HSD17B6: variants seen among roughly 807,000 people sequenced by gnomAD.
HSD17B6 encodes the protein 17-beta-hydroxysteroid dehydrogenase type 6.
Under a neutral mutation model 26.4 loss-of-function variants are expected in HSD17B6, and 16 were observed. The ratio of observed to expected loss-of-function variants is 0.61; its 90% confidence interval spans 0.41 to 0.92. The LOEUF (loss-of-function observed/expected upper bound fraction) is 0.92, where lower values mean the gene tolerates loss of function less well. HSD17B6 is among the 40% of genes least tolerant of loss of function. HSD17B6 has a pLI of 0.00. For synonymous variants in HSD17B6, 139 were observed against 153.0 expected (o/e 0.91, Z 0.68); for missense variants, 357 against 386.1 (o/e 0.92, Z 0.63).
At chr12:56,777,283 A>C (rs1446262335) in intron 2 of HSD17B6, among the ~76,000 whole-genome samples, 1 of 152,068 alleles carries the variant, frequency 6.6e-6, no homozygotes, top group Non-Finnish European at 1.5e-5. Context: ...TTTTGTAGAC[A>C]TGAGGTTTCT....
chr12:56,777,380 T>TTTTTTTTG (rs1954615455), intron 2 of HSD17B6, among the ~76,000 whole-genome samples: 1 of 151,292 alleles, frequency 6.6e-6, no homozygotes. Flanking sequence ...TTTTTTTTTT[T>TTTTTTTTG]GGAAATGGAG....
At chr12:56,785,345 G>A (rs1954853468) in intron 4 of HSD17B6, among the ~76,000 whole-genome samples, 1 of 152,212 alleles carries the variant, frequency 6.6e-6, no homozygotes, top group Non-Finnish European at 1.5e-5. Context: ...CACGACATGT[G>A]GAGATTATGG....
chr12:56,782,642 C>T (rs891043386), intron 3 of HSD17B6, among the ~76,000 whole-genome samples: 5 of 151,292 alleles, frequency 3.3e-5, no homozygotes, highest in Non-Finnish European at 7.4e-5. Context: ...TATGGGTGCA[C>T]GCTGCCATGC....
intron 2 of HSD17B6, among the ~76,000 whole-genome samples, chr12:56,775,145 C>T (rs1055971548): frequency 3.3e-5 from 5 of 152,138 alleles, no homozygotes; most frequent in East Asian, 1.9e-4. Flanking sequence ...TCTTTTGTGG[C>T]GTTTCATTTC....
At chr12:56,784,409 C>A (rs1166681925) in intron 3 of HSD17B6, among the ~76,000 whole-genome samples, 1 of 152,250 alleles carries the variant, frequency 6.6e-6, no homozygotes, top group East Asian at 1.9e-4. Context: ...GTGAACGAGA[C>A]TCCGTCTGCA....
At chr12:56,780,581 C>T (rs1405255456) in intron 2 of HSD17B6, among the ~76,000 whole-genome samples, 2 of 151,946 alleles carry the variant, frequency 1.3e-5, no homozygotes, top group Non-Finnish European at 2.9e-5. Context: ...TAAGTGAGGC[C>T]GGGTGCGTGG....
chr12:56,781,758 G>A (rs930297586), intron 2 of HSD17B6, among the ~76,000 whole-genome samples: 3 of 152,150 alleles, frequency 2.0e-5, no homozygotes, highest in African/African-American at 4.8e-5. Context: ...AGCTGAGATC[G>A]TGCCACTGCA....
chr12:56,771,717 C>T (rs1304405538), intron 1 of HSD17B6, among the ~76,000 whole-genome samples: 1 of 152,168 alleles, frequency 6.6e-6, no homozygotes, highest in Non-Finnish European at 1.5e-5. Context: ...CTTGGCCTCC[C>T]AACATGCTGA....
intron 1 of HSD17B6, chr12:56,770,370 T>C (rs1954444163): frequency 6.6e-6 from 1 of 152,604 alleles, no homozygotes. Context: ...CTCCAATTCA[T>C]GCAGCAGCCC....
chr12:56,781,943 A>G (rs1228273849), intron 2 of HSD17B6, 31 bp from the exon 3 acceptor site: 1 of 1,597,998 alleles, frequency 6.3e-7, no homozygotes, highest in Admixed American at 1.7e-5. Flanking sequence ...GCCTGAAACC[A>G]AACTCCTGAT....
rs1954625362 is a variant in HSD17B6, at chr12:56,777,781, GGAGGCCGGGGTGGGAGGATTGCTT to G, written c.313+3620_313+3643del. Among the ~76,000 whole-genome samples the G allele has an allele frequency of 2.6e-5, 4 of 152,044 alleles. No individual in the cohort carries two copies. In the South Asian group the frequency reaches 8.3e-4, roughly 32 times the overall value. On this transcript the variant is annotated intron_variant, in intron 2 of 4. Coordinates refer to ENST00000322165, the MANE Select transcript of HSD17B6 (RefSeq NM_003725.4). Reference sequence around the variant, plus strand: ...AATATTACTTCCTTCCAGCACTTTGGGAGGCCGGGGTGGGAGGATTGCTTGAGCCCAGGAGTTCAACACCAGCCT... The same window carrying G: ...AATATTACTTCCTTCCAGCACTTTGGGAGCCCAGGAGTTCAACACCAGCCT...
At chr12:56,765,365 G>A (rs762549190) in intron 1 of HSD17B6, among the ~76,000 whole-genome samples, 183 of 152,134 alleles carry the variant, frequency 1.2e-3, no homozygotes, top group Non-Finnish European at 2.5e-4. Context: ...GAACCTGGGA[G>A]GCAGAGGTTG....
chr12:56,784,478 C>T (rs142240123), intron 3 of HSD17B6, among the ~76,000 whole-genome samples: 4,658 of 152,292 alleles, frequency 0.031, 179 homozygotes, highest in East Asian at 0.13. Context: ...AGCTGGAGAC[C>T]GGCCCGGCCA....
chr12:56,783,067 C>T (rs1208698189), intron 3 of HSD17B6, among the ~76,000 whole-genome samples: 44 of 152,368 alleles, frequency 2.9e-4, no homozygotes, highest in African/African-American at 9.9e-4. Flanking sequence ...GGCAACCATC[C>T]GATTTCTCAA....
In HSD17B6 at chr12:56,782,010, C is replaced by T. The variant is rs766656110; in HGVS notation, c.350C>T (p.Thr117Ile). 2 of 1,614,116 alleles carry T rather than the reference C, an allele frequency of 1.2e-6. No individual in the cohort carries two copies. Among genetic ancestry groups the T allele is most frequent in the Admixed American group, 3.3e-5 (2 of 60,020 alleles). Residue 117 changes from threonine (T) to isoleucine (I), a missense_variant, in exon 3 of 5, where the codon ACA becomes ATA. By Grantham distance (89) the Thr-to-Ile change is moderately conservative (BLOSUM62 -1). Coordinates refer to ENST00000322165, the MANE Select transcript of HSD17B6 (RefSeq NM_003725.4). The part of the protein sequence containing the change: ...WGLVNNAGIL[T>I]PITLCEWLNT... ...CTGGTGAACAATGCAGGCATTCTTA[C>T]ACCAATTACCTTATGTGAGTGGCTG... is the stretch of plus-strand genomic sequence containing the variant.
At chr12:56,764,716 A>G (rs1954285370) in intron 1 of HSD17B6, among the ~76,000 whole-genome samples, 1 of 152,248 alleles carries the variant, frequency 6.6e-6, no homozygotes, top group African/African-American at 2.4e-5. Flanking sequence ...ACACGAGCAC[A>G]CAGGAACAGA....
Position 56,787,184 on chromosome 12 carries a change from G to C in HSD17B6, c.796G>C (p.Asp266His), listed in dbSNP as rs1460876937. ...NCSTNLNLVTDCMEHALTSVH... is the reference protein window; with the variant it reads ...NCSTNLNLVTHCMEHALTSVH... Reference sequence around the variant, plus strand: ...TAGCACAAACCTGAACCTGGTCACTGACTGCATGGAACATGCTCTGACATC... The same window carrying C: ...TAGCACAAACCTGAACCTGGTCACTCACTGCATGGAACATGCTCTGACATC... The change falls in exon 5 of 5, where the codon GAC becomes CAC. Residue 266 changes from aspartate (D) to histidine (H), a missense_variant. By Grantham distance (81) the Asp-to-His change is moderately conservative (BLOSUM62 -1). Transcript: ENST00000322165. 2 of 1,614,196 alleles carry C rather than the reference G, an allele frequency of 1.2e-6. No homozygotes were observed. Among genetic ancestry groups the C allele is most frequent in the Non-Finnish European group, 1.7e-6 (2 of 1,180,038 alleles).
chr12:56,774,043 AG>A lies in HSD17B6; in HGVS notation c.196del (p.Ala66ProfsTer4), dbSNP rs1430644506. 4 of 1,614,022 alleles carry A rather than the reference AG, an allele frequency of 2.5e-6. No individual in the cohort carries two copies. The highest frequency in any genetic ancestry group is 3.4e-6 in the Non-Finnish European group (4 of 1,180,016). ...GTGCTGGCTGCGTGTCTGACGGAGA[AG>A]GGGGCCGAGCAGCTGAGGGGCCAGA... ...LRVLAACLTE[K>X]GAEQLRGQTS... On this transcript the variant is annotated frameshift_variant, in exon 2 of 5. Coordinates refer to ENST00000322165, the MANE Select transcript of HSD17B6 (RefSeq NM_003725.4). LOFTEE classifies it high-confidence loss of function.
intron 1 of HSD17B6, among the ~76,000 whole-genome samples, chr12:56,765,972 A>G (rs1430967864): frequency 6.6e-6 from 1 of 152,160 alleles, no homozygotes; most frequent in East Asian, 1.9e-4. Flanking sequence ...GAAGCAACTG[A>G]AGATCCACAA....
Sources: allele counts gnomAD v4.1 joint callset (sites outside exome capture counted in the v4.1 genomes callset), GRCh38; gene constraint gnomAD v4.1.1; transcripts MANE v1.5; gene names NCBI Gene and HGNC (gene_info 2026-07-23, HGNC 2026-07-21).